The following LHFPL3 variants were observed in gnomAD, a reference collection of about 807,000 sequenced individuals.
LHFPL3 encodes LHFPL tetraspan subfamily member 3, also known as LHFPL tetraspan subfamily member 3 protein.
A neutral mutation model predicts 19.3 loss-of-function variants in LHFPL3; 5 were observed. The ratio of observed to expected loss-of-function variants is 0.26; its 90% CI spans 0.14 to 0.54. The LOEUF is 0.54. Ranked by LOEUF, LHFPL3 falls within the 20% of genes least tolerant of loss-of-function variation. The pLI, the probability that LHFPL3 is intolerant of heterozygous loss-of-function variation, is 0.94. For missense variants in LHFPL3, 249 were observed against 307.4 expected, an observed-to-expected ratio of 0.81 and a Z score of 1.42; for synonymous variants, 133 against 126.2, an observed-to-expected ratio of 1.05 and a Z score of -0.36.
At chr7:104,430,433 T>TATACATGTATATATATATATATATACAC (rs1562895277) in intron 1 of LHFPL3, among the ~76,000 whole-genome samples, 1 of 13,672 alleles carries the variant, frequency 7.3e-5, no homozygotes, top group African/African-American at 2.6e-4. Context: ...TATATATATA[T>TATACATGTATATATATATATATATACAC]ATATATATAT....
intron 2 of LHFPL3, among the ~76,000 whole-genome samples, chr7:104,829,538 T>A (rs1305078777): frequency 3.3e-5 from 5 of 151,376 alleles, no homozygotes; most frequent in South Asian, 2.1e-4. Context: ...TGTCCAGGTG[T>A]TCTCATTGTT....
chr7:104,398,720 A>G (rs1359728203), intron 1 of LHFPL3, among the ~76,000 whole-genome samples: 1 of 152,102 alleles, frequency 6.6e-6, no homozygotes, highest in African/African-American at 2.4e-5. Flanking sequence ...GTCTCACCTT[A>G]TTATGGTTTA....
At chr7:104,591,033 A>G (rs948358429) in intron 1 of LHFPL3, among the ~76,000 whole-genome samples, 5 of 152,116 alleles carry the variant, frequency 3.3e-5, no homozygotes, top group African/African-American at 1.2e-4. Flanking sequence ...GGTCTCCCGA[A>G]TAGAGCACAC....
chr7:104,667,897 A>T (rs1810712), intron 1 of LHFPL3: 255,683 of 1,612,246 alleles, frequency 0.16, 20,739 homozygotes, highest in Non-Finnish European at 0.17. Flanking sequence ...CTGGAAGGAG[A>T]TGTTTCTACA....
chr7:104,815,531 C>T (rs1169150012), intron 2 of LHFPL3, among the ~76,000 whole-genome samples: 4 of 152,180 alleles, frequency 2.6e-5, no homozygotes, highest in Admixed American at 2.6e-4. Context: ...GATAAGAAGA[C>T]CACTTGAGCA....
chr7:104,338,121 C>T (rs1183271550), intron 1 of LHFPL3, among the ~76,000 whole-genome samples: 1 of 68,270 alleles, frequency 1.5e-5, no homozygotes, highest in Non-Finnish European at 2.7e-5. Flanking sequence ...TTTTTTGAGA[C>T]GGAGTCTCGC....
chr7:104,397,988 G>C (rs959526004), intron 1 of LHFPL3, among the ~76,000 whole-genome samples: 4 of 151,598 alleles, frequency 2.6e-5, no homozygotes, highest in Non-Finnish European at 5.9e-5. Context: ...TTGATTTTAT[G>C]TTTATCTCTT....
chr7:104,524,507 T>C (rs1794145083), intron 1 of LHFPL3, among the ~76,000 whole-genome samples: 1 of 152,162 alleles, frequency 6.6e-6, no homozygotes, highest in Admixed American at 6.6e-5. Context: ...GCTTGGAGTG[T>C]CTAAAGTACA....
At chr7:104,408,828 AG>A (rs952059144) in intron 1 of LHFPL3, among the ~76,000 whole-genome samples, 13 of 148,456 alleles carry the variant, frequency 8.8e-5, no homozygotes, top group African/African-American at 3.2e-4. Flanking sequence ...GGAGGGGCAG[AG>A]GAAGAGTGGA....
intron 1 of LHFPL3, among the ~76,000 whole-genome samples, chr7:104,416,837 A>G (rs1297301242): frequency 6.6e-6 from 1 of 152,216 alleles, no homozygotes; most frequent in East Asian, 1.9e-4. Flanking sequence ...AGAAGGTCCA[A>G]GATTGAGTGG....
At chr7:104,495,942 A>C (rs1231830331) in intron 1 of LHFPL3, among the ~76,000 whole-genome samples, 1 of 152,116 alleles carries the variant, frequency 6.6e-6, no homozygotes, top group Non-Finnish European at 1.5e-5. Flanking sequence ...ATTGTCTGAG[A>C]TCACACAGCT....
At chr7:104,568,343 C>T (rs73409771) in intron 1 of LHFPL3, among the ~76,000 whole-genome samples, 25 of 152,146 alleles carry the variant, frequency 1.6e-4, no homozygotes, top group Non-Finnish European at 5.9e-5. Context: ...ATCTTCCTCA[C>T]CAAATTATAG....
chr7:104,717,452 A>T (rs1251172489), intron 1 of LHFPL3, among the ~76,000 whole-genome samples: 1 of 152,148 alleles, frequency 6.6e-6, no homozygotes, highest in Non-Finnish European at 1.5e-5. Context: ...ACCCTACTAC[A>T]CAATAGAGAA....
At position 104,861,931 on chromosome 7, in the gene LHFPL3, G is replaced by A. The variant is rs558353550; in HGVS notation, c.683-44256G>A. ...CGCTGCTGATGGCAGGAATCCACAG[G>A]CTTTGGTGAACAGGCTGGCTCGTGG... On this transcript the variant is annotated intron_variant, in intron 2 of 2. Coordinates refer to ENST00000424859, the MANE Select transcript of LHFPL3 (RefSeq NM_199000.3). 1.7e-4 allele frequency among the ~76,000 whole-genome samples: 26 copies of A among 152,286 alleles called. 1 individual carries two copies. The South Asian group carries it at 4.8e-3, about 28-fold the overall frequency.
chr7:104,370,840 C>T (rs975211463), intron 1 of LHFPL3, among the ~76,000 whole-genome samples: 1 of 152,146 alleles, frequency 6.6e-6, no homozygotes, highest in Non-Finnish European at 1.5e-5. Flanking sequence ...TGAGATGGCA[C>T]CACTGCATTC....
chr7:104,872,885 G>A (rs1791862956), intron 2 of LHFPL3, among the ~76,000 whole-genome samples: 1 of 152,160 alleles, frequency 6.6e-6, no homozygotes, highest in African/African-American at 2.4e-5. Flanking sequence ...ACCTAAACCA[G>A]TAACACAATC....
chr7:104,696,392 G>T (rs1199912318), intron 1 of LHFPL3, among the ~76,000 whole-genome samples: 2 of 152,114 alleles, frequency 1.3e-5, no homozygotes, highest in South Asian at 2.1e-4. Context: ...GTTTAAATAA[G>T]CAGAGGGGTG....
chr7:104,344,607 T>C (rs1203773175), intron 1 of LHFPL3, among the ~76,000 whole-genome samples: 4 of 152,268 alleles, frequency 2.6e-5, no homozygotes, highest in Non-Finnish European at 5.9e-5. Flanking sequence ...TTCTTTTTTA[T>C]GGCTGAATAG....
At chr7:104,881,466 G>A (rs1792055725) in intron 2 of LHFPL3, among the ~76,000 whole-genome samples, 1 of 152,174 alleles carries the variant, frequency 6.6e-6, no homozygotes. Context: ...TGCAGATGTG[G>A]TGGAAATAGC....
Sources: allele counts gnomAD v4.1 joint callset (sites outside exome capture counted in the v4.1 genomes callset), GRCh38; gene constraint gnomAD v4.1.1; transcripts MANE v1.5; gene names NCBI Gene and HGNC (gene_info 2026-07-23, HGNC 2026-07-21).